PCDH15: variants seen among roughly 807,000 people sequenced by gnomAD.
The protein encoded by PCDH15 is protocadherin-15.
PCDH15 carries 129 observed loss-of-function variants against 178.5 expected under a neutral mutation model. The observed-to-expected ratio is 0.72, with a 90% confidence interval of 0.63 to 0.84. The LOEUF is 0.84. Ranked by LOEUF, PCDH15 falls within the 40% of genes least tolerant of loss-of-function variation. The probability of loss-of-function intolerance (pLI) is 0.00; values close to 1 mark genes in which losing one functional copy is unlikely to be tolerated. For synonymous variants in PCDH15, 800 were observed against 732.0 expected, an observed-to-expected ratio of 1.09 and a Z score of -1.50; for missense variants, 2,230 against 2,099.9, an observed-to-expected ratio of 1.06 and a Z score of -1.21.
intron 10 of PCDH15, among the ~76,000 whole-genome samples, chr10:54,210,347 A>C (rs2051286465): frequency 6.6e-6 from 1 of 152,130 alleles, no homozygotes; most frequent in South Asian, 2.1e-4. Flanking sequence ...GGGAGAAAAT[A>C]ATTACAACAA....
At position 54,865,525 on chromosome 10, in the gene PCDH15, A is replaced by T. The variant is rs537107014; in HGVS notation, c.-29+31925T>A. On this transcript the variant is annotated intron_variant, in intron 3 of 5. Transcript: ENST00000458638. ...TGCTTTTTAATCATATGAGTTAAGT[A>T]TTCTTAATAAACTCCCTCACTATCA... 5.9e-5 allele frequency among the ~76,000 whole-genome samples: 9 copies of T among 152,252 alleles called. No individual in the cohort carries two copies. In the South Asian group the frequency reaches 1.2e-3, roughly 21 times the overall value.
chr10:54,867,763 G>A (rs1374930564), intron 3 of PCDH15, among the ~76,000 whole-genome samples: 2 of 152,044 alleles, frequency 1.3e-5, no homozygotes, highest in Non-Finnish European at 2.9e-5. Flanking sequence ...AAAACATCGA[G>A]TTTATTTCTG....
chr10:54,442,413 GC>G (rs2075851544), intron 3 of PCDH15, among the ~76,000 whole-genome samples: 2 of 10,856 alleles, frequency 1.8e-4, no homozygotes, highest in African/African-American at 7.7e-4. Context: ...GGCCTTAAAG[GC>G]TATATATATA....
chr10:54,021,144 T>C (rs1004160896), intron 19 of PCDH15, among the ~76,000 whole-genome samples: 11 of 152,058 alleles, frequency 7.2e-5, no homozygotes, highest in Non-Finnish European at 8.8e-5. Context: ...TAAAAGATGT[T>C]CTAAATTGGG....
In PCDH15 at chr10:54,488,532, C is replaced by T. The variant is rs1055636532; in HGVS notation, c.157+39280G>A. 3.3e-5 allele frequency among the ~76,000 whole-genome samples: 5 copies of T among 151,676 alleles called. No individual in the cohort carries two copies. The South Asian group carries it at 8.3e-4, about 25-fold the overall frequency. ...AGCTGTAGTGTTAGACAAATCTAAA[C>T]CCCATTTCACTCCATGATGTAGAAG... On this transcript the variant is annotated intron_variant, in intron 3 of 37. Transcript: ENST00000644397.
chr10:54,599,296 T>C (rs887685189), intron 2 of PCDH15, among the ~76,000 whole-genome samples: 8 of 152,052 alleles, frequency 5.3e-5, no homozygotes, highest in African/African-American at 1.9e-4. Flanking sequence ...ATGGTATTGG[T>C]ACAAGAACAT....
intron 2 of PCDH15, among the ~76,000 whole-genome samples, chr10:55,055,791 G>A (rs1423084389): frequency 4.6e-5 from 7 of 151,976 alleles, no homozygotes; most frequent in Admixed American, 3.3e-4. Flanking sequence ...CCTGGGTGAC[G>A]GAGTGAGCCC....
intron 32 of PCDH15, chr10:53,823,560 GA>G: frequency 1.5e-6 from 1 of 687,104 alleles, no homozygotes; most frequent in South Asian, 1.6e-5. Context: ...GTTGTGAGAA[GA>G]ATGAGAAATG....
At chr10:55,464,502 T>C (rs749171151) in intron 2 of PCDH15, among the ~76,000 whole-genome samples, 8 of 151,918 alleles carry the variant, frequency 5.3e-5, no homozygotes, top group Non-Finnish European at 1.2e-4. Flanking sequence ...GTTTTAGCAC[T>C]CACATTGCTT....
intron 2 of PCDH15, among the ~76,000 whole-genome samples, chr10:55,622,884 C>G (rs1440580747): frequency 6.6e-6 from 1 of 152,110 alleles, no homozygotes; most frequent in East Asian, 1.9e-4. Context: ...TGGATTTGCT[C>G]TCTGTACCAC....
Position 53,822,691 on chromosome 10 carries a change from T to C in PCDH15, c.4368-2461A>G, listed in dbSNP as rs937989014. ...GGTTCTGATTTGAGTTCCACAGTTC[T>C]TGAAACAGTTGGCAAAGTGGAGAAT... On this transcript the variant is annotated intron_variant, in intron 32 of 37. Coordinates refer to ENST00000644397, the MANE Select transcript of PCDH15 (RefSeq NM_001384140.1). 10 of 1,614,066 alleles carry C rather than the reference T, an allele frequency of 6.2e-6. No individual in the cohort carries two copies. Among genetic ancestry groups the C allele is most frequent in the Non-Finnish European group, 7.6e-6 (9 of 1,179,972 alleles).
chr10:55,172,955 G>C (rs7095862), intron 1 of PCDH15, among the ~76,000 whole-genome samples: 3 of 151,960 alleles, frequency 2.0e-5, no homozygotes, highest in South Asian at 2.1e-4. Flanking sequence ...TACAAAAAAG[G>C]TTTGTTTTAT....
chr10:54,754,618 TTTAA>T (rs1339404271), intron 1 of PCDH15, among the ~76,000 whole-genome samples: 61 of 152,244 alleles, frequency 4.0e-4, no homozygotes, highest in African/African-American at 1.4e-3. Context: ...AAGTACATCA[TTTAA>T]TTATTATCAT....
chr10:54,845,423 T>C (rs1256680791), intron 3 of PCDH15, among the ~76,000 whole-genome samples: 1 of 152,056 alleles, frequency 6.6e-6, no homozygotes, highest in Non-Finnish European at 1.5e-5. Flanking sequence ...TGGGTCAAAC[T>C]AGAGAATGAA....
chr10:54,521,653 A>G (rs1373030407), intron 3 of PCDH15, among the ~76,000 whole-genome samples: 2 of 152,202 alleles, frequency 1.3e-5, no homozygotes, highest in African/African-American at 4.8e-5. Context: ...ATTACTTTCC[A>G]ATAGAAATCA....
At chr10:54,370,211 G>A (rs1423622586) in intron 4 of PCDH15, among the ~76,000 whole-genome samples, 1 of 151,850 alleles carries the variant, frequency 6.6e-6, no homozygotes, top group Non-Finnish European at 1.5e-5. Context: ...CCACTACAAA[G>A]TATTTCTTTG....
At chr10:54,051,818 A>G (rs573976295) in intron 18 of PCDH15, among the ~76,000 whole-genome samples, 1 of 152,232 alleles carries the variant, frequency 6.6e-6, no homozygotes, top group South Asian at 2.1e-4. Context: ...CCAGAGGACT[A>G]GGAGAGAAAT....
At chr10:54,218,829 T>C (rs894795656) in intron 9 of PCDH15, among the ~76,000 whole-genome samples, 3 of 152,076 alleles carry the variant, frequency 2.0e-5, no homozygotes, top group African/African-American at 7.2e-5. Flanking sequence ...CAGAGTAACA[T>C]GTAAAATTAA....
At chr10:54,949,502 C>T (rs994859461) in intron 2 of PCDH15, among the ~76,000 whole-genome samples, 2 of 151,916 alleles carry the variant, frequency 1.3e-5, no homozygotes, top group African/African-American at 4.8e-5. Context: ...AGACATTTTC[C>T]CCATCATTAT....
Sources: allele counts gnomAD v4.1 joint callset (sites outside exome capture counted in the v4.1 genomes callset), GRCh38; gene constraint gnomAD v4.1.1; transcripts MANE v1.5; gene names NCBI Gene and HGNC (gene_info 2026-07-23, HGNC 2026-07-21).